TENM3: variants seen among roughly 807,000 people sequenced by gnomAD.
TENM3 encodes teneurin-3.
A neutral mutation model predicts 255.1 loss-of-function variants in TENM3; 63 were observed. The observed-to-expected ratio is 0.25, with a 90% CI of 0.20 to 0.30. The LOEUF is 0.30. Ranked by LOEUF, TENM3 falls within the 10% of genes least tolerant of loss-of-function variation. The probability of loss-of-function intolerance (pLI) is 1.00; values close to 1 mark genes in which losing one functional copy is unlikely to be tolerated. For synonymous variants in TENM3, 1,306 were observed against 1,322.3 expected, an observed-to-expected ratio of 0.99 and a Z score of 0.27; for missense variants, 2,929 against 3,461.1, an observed-to-expected ratio of 0.85 and a Z score of 3.86.
the TENM3 span, among the ~76,000 whole-genome samples, chr4:182,135,316 G>A: frequency 6.6e-6 from 1 of 151,986 alleles, no homozygotes; most frequent in Admixed American, 6.6e-5. Context: ...TCTCACTTGG[G>A]ACGTTTGTAC....
At chr4:181,941,187 A>G in the TENM3 span, among the ~76,000 whole-genome samples, 1 of 152,196 alleles carries the variant, frequency 6.6e-6, no homozygotes, top group South Asian at 2.1e-4. Context: ...GTATCCCTCC[A>G]TCAGAGTTCA....
intron 3 of TENM3, among the ~76,000 whole-genome samples, chr4:182,430,532 A>C (rs1028202252): frequency 6.6e-6 from 1 of 152,116 alleles, no homozygotes; most frequent in Non-Finnish European, 1.5e-5. Flanking sequence ...TGAGCAGCAG[A>C]GCAAGACTCC....
At chr4:181,871,772 G>C in the TENM3 span, among the ~76,000 whole-genome samples, 319 of 152,188 alleles carry the variant, frequency 2.1e-3, 4 homozygotes, top group Middle Eastern at 0.01. Flanking sequence ...TATAATCAAA[G>C]GGTGTTCAGT....
At chr4:182,565,501 T>C (rs1350640067) in intron 3 of TENM3, among the ~76,000 whole-genome samples, 1 of 152,212 alleles carries the variant, frequency 6.6e-6, no homozygotes, top group African/African-American at 2.4e-5. Flanking sequence ...ATGTTGATTA[T>C]TCAACCATAG....
At chr4:181,783,266 G>T in the TENM3 span, among the ~76,000 whole-genome samples, 1 of 152,074 alleles carries the variant, frequency 6.6e-6, no homozygotes, top group Non-Finnish European at 1.5e-5. Context: ...AAGTCTCTTT[G>T]TAGGTCTCTG....
chr4:181,858,546 A>T, the TENM3 span, among the ~76,000 whole-genome samples: 1 of 152,198 alleles, frequency 6.6e-6, no homozygotes, highest in African/African-American at 2.4e-5. Context: ...GAAGCATGTG[A>T]TACGTTCCTG....
the TENM3 span, among the ~76,000 whole-genome samples, chr4:181,810,112 T>C: frequency 6.6e-6 from 1 of 152,154 alleles, no homozygotes. Context: ...AAAAAAGCAA[T>C]GACAATTCAT....
chr4:181,850,943 T>A, the TENM3 span, among the ~76,000 whole-genome samples: 2 of 152,114 alleles, frequency 1.3e-5, no homozygotes, highest in African/African-American at 4.8e-5. Flanking sequence ...CCACTGGAGG[T>A]GAAGCCGTTT....
chr4:181,908,915 G>A, the TENM3 span, among the ~76,000 whole-genome samples: 7 of 152,194 alleles, frequency 4.6e-5, no homozygotes, highest in Non-Finnish European at 1.0e-4. Flanking sequence ...GTGCAAGCGA[G>A]GTGTAGAGGT....
chr4:182,351,110 A>G (rs1261220476), intron 3 of TENM3, among the ~76,000 whole-genome samples: 3 of 150,832 alleles, frequency 2.0e-5, no homozygotes, highest in Non-Finnish European at 4.4e-5. Context: ...TATTTTTTCA[A>G]AACATCAGTC....
chr4:181,642,180 G>T, the TENM3 span, among the ~76,000 whole-genome samples: 5,397 of 151,974 alleles, frequency 0.036, 152 homozygotes, highest in South Asian at 0.13. Flanking sequence ...GGTGTGAGAT[G>T]GTATCTCATT....
chr4:181,858,737 C>T, the TENM3 span, among the ~76,000 whole-genome samples: 1 of 152,122 alleles, frequency 6.6e-6, no homozygotes, highest in African/African-American at 2.4e-5. Context: ...AAAGGTACAG[C>T]TTTTTCAAAG....
rs758403714 is a variant in TENM3, at chr4:182,792,350, C to T, written c.5678C>T (p.Thr1893Ile). ...YDMWDRLSAI[T>I]MPSVARHTMQ... ...ATGTGGGACCGCCTGTCTGCCATCACCATGCCCAGTGTGGCTCGCCACACC... is the reference window on the plus strand; with the variant it reads ...ATGTGGGACCGCCTGTCTGCCATCATCATGCCCAGTGTGGCTCGCCACACC... The change falls in exon 26 of 28, where the codon ACC becomes ATC. Residue 1893 changes from threonine (T) to isoleucine (I), a missense_variant. Transcript: ENST00000511685. This position sits in a 1 kb window ranked among gnomAD's most constrained non-coding sequence, Gnocchi z 6.3. 53 of 1,613,934 alleles carry T rather than the reference C, an allele frequency of 3.3e-5. No individual in the cohort carries two copies. In the African/African-American group the frequency reaches 4.9e-4, roughly 15 times the overall value.
chr4:182,573,925 A>G (rs1001699706), intron 3 of TENM3, among the ~76,000 whole-genome samples: 1 of 152,188 alleles, frequency 6.6e-6, no homozygotes, highest in African/African-American at 2.4e-5. Flanking sequence ...CAGAAAATGT[A>G]TATTTTGTTG....
At chr4:181,746,168 G>A in the TENM3 span, among the ~76,000 whole-genome samples, 2 of 152,168 alleles carry the variant, frequency 1.3e-5, no homozygotes, top group African/African-American at 4.8e-5. Context: ...ACAGCAGGAG[G>A]AGGGAGCATT....
intron 1 of TENM3, among the ~76,000 whole-genome samples, chr4:182,222,778 A>T (rs13137450): frequency 0.15 from 23,483 of 152,030 alleles, 2,367 homozygotes; most frequent in Non-Finnish European, 0.21. Context: ...TTACAGTGGG[A>T]TGGGAGGAGG....
chr4:182,039,528 C>T, the TENM3 span, among the ~76,000 whole-genome samples: 34 of 152,248 alleles, frequency 2.2e-4, no homozygotes, highest in East Asian at 5.8e-3. Flanking sequence ...ATGCAGTAAC[C>T]TACTTCAGGT....
At chr4:181,998,832 G>C in the TENM3 span, among the ~76,000 whole-genome samples, 2 of 152,074 alleles carry the variant, frequency 1.3e-5, no homozygotes, top group African/African-American at 4.8e-5. Context: ...CATACTACTT[G>C]GAATATAGGC....
At chr4:181,553,333 TATAC>T in the TENM3 span, among the ~76,000 whole-genome samples, 22 of 124,396 alleles carry the variant, frequency 1.8e-4, no homozygotes, top group South Asian at 2.5e-4. Context: ...TATATATATA[TATAC>T]ACACACACAC....
Sources: gnomAD v4.1 joint callset for allele counts (sites outside exome capture counted in the v4.1 genomes callset) on GRCh38, gnomAD v4.1.1 for gene constraint, Gnocchi (gnomAD v3.1) non-coding constraint, MANE v1.5 for transcripts, NCBI Gene and HGNC (gene_info 2026-07-23, HGNC 2026-07-21) for gene names.